The following DOCK3 variants were observed in gnomAD, a reference collection of about 807,000 sequenced individuals.
DOCK3 encodes the protein dedicator of cytokinesis protein 3.
In DOCK3, 60 loss-of-function variants were observed where a neutral mutation model predicts 265.6. The ratio of observed to expected loss-of-function variants is 0.23; its 90% confidence interval spans 0.18 to 0.28. The LOEUF is 0.28. Among genes scored for constraint, DOCK3 ranks in the 10% least tolerant of loss-of-function variants. The probability of loss-of-function intolerance (pLI) is 1.00; values close to 1 mark genes in which losing one functional copy is unlikely to be tolerated. For missense variants in DOCK3, 1,981 were observed against 2,594.3 expected (o/e 0.76, Z 5.14); for synonymous variants, 881 against 938.0 (o/e 0.94, Z 1.11).
chr3:50,679,593 G>A (rs1169313000), intron 1 of DOCK3, among the ~76,000 whole-genome samples: 1 of 152,136 alleles, frequency 6.6e-6, no homozygotes, highest in African/African-American at 2.4e-5. Context: ...AAGGTGGGGA[G>A]GAAATAGATC....
At chr3:51,145,695 G>C (rs1181709379) in intron 9 of DOCK3, among the ~76,000 whole-genome samples, 1 of 152,086 alleles carries the variant, frequency 6.6e-6, no homozygotes. Flanking sequence ...GCGACCCAGG[G>C]TAGCCAAAAG....
intron 44 of DOCK3, 139 bp downstream of exon 44, chr3:51,357,280 C>G (rs538729546): frequency 1.1e-6 from 1 of 901,454 alleles, no homozygotes; most frequent in South Asian, 1.8e-5. Context: ...GGAATGAGGC[C>G]CTAAGCTCCC....
intron 3 of DOCK3, among the ~76,000 whole-genome samples, chr3:50,886,734 A>T (rs1313363016): frequency 1.3e-5 from 2 of 151,978 alleles, no homozygotes; most frequent in African/African-American, 4.8e-5. Flanking sequence ...CCTACAAAGG[A>T]CATGAACTCA....
At chr3:50,763,791 T>C (rs1449286421) in intron 1 of DOCK3, among the ~76,000 whole-genome samples, 1 of 152,202 alleles carries the variant, frequency 6.6e-6, no homozygotes, top group Admixed American at 6.5e-5. Flanking sequence ...GTCAATCTGG[T>C]TAAATGATTA....
chr3:51,091,807 C>T (rs1576039617), intron 9 of DOCK3, among the ~76,000 whole-genome samples: 1 of 152,106 alleles, frequency 6.6e-6, no homozygotes, highest in Non-Finnish European at 1.5e-5. Context: ...CCGAGGTACC[C>T]GGTTCATCTC....
At chr3:51,263,812 A>G (rs576073659) in intron 23 of DOCK3, among the ~76,000 whole-genome samples, 11 of 152,194 alleles carry the variant, frequency 7.2e-5, no homozygotes, top group Non-Finnish European at 1.6e-4. Flanking sequence ...CAAAGATCAT[A>G]AAAGTCAAGG....
At chr3:50,876,959 T>G (rs2047731436) in intron 3 of DOCK3, 1 of 153,686 alleles carries the variant, frequency 6.5e-6, no homozygotes, top group Admixed American at 6.5e-5. Flanking sequence ...TGCAATTTTT[T>G]TAAAAAGCCC....
intron 22 of DOCK3, among the ~76,000 whole-genome samples, chr3:51,250,777 T>C (rs181929935): frequency 3.3e-5 from 5 of 152,284 alleles, no homozygotes; most frequent in Admixed American, 1.3e-4. Flanking sequence ...GTGTTAACAG[T>C]TAGGGAGTGA....
chr3:50,734,993 G>A (rs2038494968), intron 1 of DOCK3, among the ~76,000 whole-genome samples: 2 of 152,192 alleles, frequency 1.3e-5, no homozygotes, highest in Admixed American at 1.3e-4. Flanking sequence ...TTTCTTGTAA[G>A]ATAGGTCTAG....
At chr3:50,827,800 TG>T (rs752229874) in intron 2 of DOCK3, among the ~76,000 whole-genome samples, 23 of 152,194 alleles carry the variant, frequency 1.5e-4, no homozygotes, top group Non-Finnish European at 1.9e-4. Context: ...GTTTTCTTTT[TG>T]TTCCTTAGTT....
chr3:50,715,692 A>G (rs901178381), intron 1 of DOCK3, among the ~76,000 whole-genome samples: 4 of 152,216 alleles, frequency 2.6e-5, no homozygotes, highest in Non-Finnish European at 5.9e-5. Flanking sequence ...GCCATTAGGC[A>G]GCTGACTGCC....
intron 1 of DOCK3, among the ~76,000 whole-genome samples, chr3:50,735,824 A>G (rs2038556938): frequency 6.6e-6 from 1 of 152,166 alleles, no homozygotes. Context: ...GCTATACAGG[A>G]AACATAGTGG....
At chr3:50,860,863 T>C (rs1334224079) in intron 3 of DOCK3, among the ~76,000 whole-genome samples, 1 of 152,240 alleles carries the variant, frequency 6.6e-6, no homozygotes, top group Non-Finnish European at 1.5e-5. Flanking sequence ...CCGTTGCTGC[T>C]GAGCTTTCTG....
intron 33 of DOCK3, among the ~76,000 whole-genome samples, chr3:51,331,571 A>T (rs1422310587): frequency 6.6e-6 from 1 of 151,900 alleles, no homozygotes. Context: ...AAAAAAAAAA[A>T]GTAAATCATG....
chr3:50,841,742 T>TTTTTTTCTTTTTTTTTTTTTTTTTTGAGA lies in DOCK3; in HGVS notation c.162+27_162+28insTTTTTTCTTTTTTTTTTTTTTTTTTGAGA. ...TAATGAAAAGTTTATTGTTACCTTTTCTAATGTAGGAAGGAACTACCTTGT... is the reference window on the plus strand; with the variant it reads ...TAATGAAAAGTTTATTGTTACCTTTTTTTTTTCTTTTTTTTTTTTTTTTTTGAGACTAATGTAGGAAGGAACTACCTTGT... On this transcript the variant is annotated intron_variant, in intron 3 of 52. Transcript: ENST00000266037. The TTTTTTTCTTTTTTTTTTTTTTTTTTGAGA allele has an allele frequency of 3.6e-5, 19 of 525,618 alleles. 3 individuals are homozygous for TTTTTTTCTTTTTTTTTTTTTTTTTTGAGA. The highest frequency in any genetic ancestry group is 4.6e-5 in the Non-Finnish European group (15 of 325,344). The allele number at this position is 525,618 out of a possible 1,614,324, so 32.6% of individuals were successfully genotyped here. A position where few individuals can be genotyped will look rare whatever the true frequency, so the allele number is the denominator to read the frequency against.
rs145628902 is a variant in DOCK3 at position 51,054,112 on chromosome 3, G to A, written c.316-10336G>A. Among the ~76,000 whole-genome samples, 473 of 104,640 alleles carry A rather than the reference G, an allele frequency of 4.5e-3. 1 individual carries two copies. Among genetic ancestry groups the A allele is most frequent in the Non-Finnish European group, 6.0e-3 (337 of 55,974 alleles). The allele number at this position is 104,640 out of a possible 152,430, so 68.6% of individuals were successfully genotyped here. A position where few individuals can be genotyped will look rare whatever the true frequency, so the allele number is the denominator to read the frequency against. ...CCTCATTTGGTGAAGCACTTTCCCC[G>A]TAGCTTCCTAAAAAAAAAAAAAAAA... On this transcript the variant is annotated intron_variant, in intron 5 of 52. Coordinates refer to ENST00000266037, the MANE Select transcript of DOCK3 (RefSeq NM_004947.5).
At chr3:51,160,946 C>T (rs190804778) in intron 12 of DOCK3, among the ~76,000 whole-genome samples, 8 of 151,814 alleles carry the variant, frequency 5.3e-5, no homozygotes, top group African/African-American at 1.7e-4. Flanking sequence ...CGTGGTGGCA[C>T]GTGCCTGTAA....
At chr3:50,870,402 A>C (rs1457957596) in intron 3 of DOCK3, among the ~76,000 whole-genome samples, 1 of 152,092 alleles carries the variant, frequency 6.6e-6, no homozygotes, top group Non-Finnish European at 1.5e-5. Flanking sequence ...TTGTCTTGAA[A>C]TCTATTTTGT....
chr3:50,754,600 C>T (rs1275276820), intron 1 of DOCK3, among the ~76,000 whole-genome samples: 1 of 149,036 alleles, frequency 6.7e-6, no homozygotes, highest in Non-Finnish European at 1.5e-5. Context: ...GCTCTTGTCG[C>T]CCAGACTGGG....
Sources: allele counts gnomAD v4.1 joint callset (sites outside exome capture counted in the v4.1 genomes callset), GRCh38; gene constraint gnomAD v4.1.1; transcripts MANE v1.5; gene names NCBI Gene and HGNC (gene_info 2026-07-23, HGNC 2026-07-21).